Variants in USP37 observed in about 807,000 individuals in gnomAD.
USP37 encodes the protein ubiquitin specific peptidase 37.
In USP37, 27 loss-of-function variants were observed where a neutral mutation model predicts 124.0. The observed-to-expected ratio is 0.22, with a 90% CI of 0.16 to 0.30. The LOEUF (loss-of-function observed/expected upper bound fraction) is 0.30. Among genes scored for constraint, USP37 ranks in the 10% least tolerant of loss-of-function variants. The pLI is 1.00. For missense variants in USP37, 889 were observed against 1,140.4 expected, an observed-to-expected ratio of 0.78 and a Z score of 3.17; for synonymous variants, 365 against 388.0, an observed-to-expected ratio of 0.94 and a Z score of 0.70.
intron 2 of USP37, 129 bp from the exon 3 acceptor site, chr2:218,561,012 A>G (rs1405011116): frequency 6.6e-6 from 1 of 152,240 alleles, no homozygotes; most frequent in Non-Finnish European, 1.5e-5. Context: ...AGATTTAGAT[A>G]TTAGTATAAT....
intron 2 of USP37, among the ~76,000 whole-genome samples, chr2:218,561,461 C>T (rs1160345294): frequency 2.0e-5 from 3 of 152,082 alleles, no homozygotes; most frequent in African/African-American, 7.2e-5. Flanking sequence ...AGTTTGAGAC[C>T]AGCCTGGCCA....
chr2:218,498,185 A>G (rs1318613395), intron 11 of USP37, 28 bp from the exon 12 acceptor site: 3 of 1,561,708 alleles, frequency 1.9e-6, no homozygotes, highest in Non-Finnish European at 2.6e-6. Context: ...AGTGCTTTAG[A>G]AGGCAACAGG....
chr2:218,532,501 C>T (rs2106027395), intron 9 of USP37, among the ~76,000 whole-genome samples: 1 of 150,876 alleles, frequency 6.6e-6, no homozygotes, highest in South Asian at 2.1e-4. Context: ...AAGAAATTGC[C>T]ACAGCTGCCT....
intron 6 of USP37, among the ~76,000 whole-genome samples, chr2:218,548,838 G>A (rs886860633): frequency 1.3e-5 from 2 of 152,090 alleles, no homozygotes; most frequent in Admixed American, 1.3e-4. Context: ...ATTACTACTT[G>A]TGAAAGCATA....
intron 8 of USP37, among the ~76,000 whole-genome samples, chr2:218,540,986 A>G (rs918798211): frequency 2.0e-5 from 3 of 152,208 alleles, no homozygotes; most frequent in Admixed American, 6.5e-5. Context: ...AAGTGCTGCA[A>G]TACCCTTTAA....
chr2:218,525,966 G>A (rs1690934474), intron 10 of USP37, among the ~76,000 whole-genome samples: 1 of 152,094 alleles, frequency 6.6e-6, no homozygotes, highest in Non-Finnish European at 1.5e-5. Context: ...TGTGTTAGTT[G>A]GTTAAGGATA....
In USP37 at chr2:218,535,235, G is replaced by A. The variant is rs539961407; in HGVS notation, c.681-529C>T. Reference sequence around the variant, plus strand: ...AAAAATTAGCCAAGCATGGTGGCGCGTTCCTGTAGTCCCAGCTACTCGGGA... The same window carrying A: ...AAAAATTAGCCAAGCATGGTGGCGCATTCCTGTAGTCCCAGCTACTCGGGA... On this transcript the variant is annotated intron_variant, in intron 8 of 25. Transcript: ENST00000258399. Among the ~76,000 whole-genome samples the A allele has an allele frequency of 5.3e-5, 8 of 151,708 alleles. No individual in the cohort carries two copies. The East Asian group carries it at 1.2e-3, about 22-fold the overall frequency.
At chr2:218,556,044 C>G (rs1574962762) in intron 4 of USP37, among the ~76,000 whole-genome samples, 1 of 152,216 alleles carries the variant, frequency 6.6e-6, no homozygotes, top group African/African-American at 2.4e-5. Flanking sequence ...CTCCCACTAT[C>G]ACCTGAAATA....
At chr2:218,477,678 G>C (rs1278096655) in intron 18 of USP37, among the ~76,000 whole-genome samples, 1 of 152,126 alleles carries the variant, frequency 6.6e-6, no homozygotes, top group Non-Finnish European at 1.5e-5. Flanking sequence ...GAGCCTCTGA[G>C]GGCAATATCA....
rs1227196390 is a variant in USP37, at chr2:218,450,434, A to G, written c.*4496T>C. The G allele has an allele frequency of 1.3e-5, 2 of 152,614 alleles. No homozygotes were observed. The highest frequency in any genetic ancestry group is 4.8e-5 in the African/African-American group (2 of 41,434). The allele number at this position is 152,614 out of a possible 1,614,324, so 9.5% of individuals were successfully genotyped here. On this transcript the variant is annotated 3_prime_UTR_variant, in exon 26 of 26. Transcript: ENST00000258399. ...ATCAAAAGTCACTCTGAACATAAAG[A>G]AAAAAAATCATCTCACAAATAATGT...
At chr2:218,550,691 C>G (rs890477714) in intron 5 of USP37, among the ~76,000 whole-genome samples, 2 of 151,178 alleles carry the variant, frequency 1.3e-5, no homozygotes, top group Non-Finnish European at 2.9e-5. Context: ...ATCTTGCTTC[C>G]CCTCACACTG....
At chr2:218,492,555 A>G (rs1294192589) in intron 14 of USP37, among the ~76,000 whole-genome samples, 1 of 152,230 alleles carries the variant, frequency 6.6e-6, no homozygotes, top group African/African-American at 2.4e-5. Flanking sequence ...AAACATGGTA[A>G]CTAATTTAAA....
chr2:218,512,842 A>G (rs1690075584), intron 10 of USP37, among the ~76,000 whole-genome samples: 1 of 152,146 alleles, frequency 6.6e-6, no homozygotes, highest in Non-Finnish European at 1.5e-5. Context: ...CATAGCACAT[A>G]CATTTTCTTC....
intron 11 of USP37, 90 bp from the exon 12 acceptor site, chr2:218,498,247 A>G (rs2105990841): frequency 7.4e-7 from 1 of 1,359,310 alleles, no homozygotes; most frequent in East Asian, 2.5e-5. Context: ...TATGTTTCAG[A>G]ATCACCTGGA....
intron 11 of USP37, among the ~76,000 whole-genome samples, chr2:218,509,174 T>C (rs543327406): frequency 3.3e-5 from 5 of 152,278 alleles, no homozygotes; most frequent in Non-Finnish European, 5.9e-5. Context: ...TTAATATACA[T>C]AGGTGCCAAG....
chr2:218,541,497 G>A (rs1691972342), intron 8 of USP37, among the ~76,000 whole-genome samples: 1 of 152,134 alleles, frequency 6.6e-6, no homozygotes, highest in South Asian at 2.1e-4. Context: ...ACCACAGTCT[G>A]ACAAGCACAT....
At chr2:218,504,115 C>T (rs1451038012) in intron 11 of USP37, among the ~76,000 whole-genome samples, 1 of 152,040 alleles carries the variant, frequency 6.6e-6, no homozygotes, top group Non-Finnish European at 1.5e-5. Flanking sequence ...GTGCCAAAAA[C>T]AAAGCTATAA....
At chr2:218,560,245 A>C (rs373837726) in intron 3 of USP37, among the ~76,000 whole-genome samples, 1 of 152,212 alleles carries the variant, frequency 6.6e-6, no homozygotes, top group African/African-American at 2.4e-5. Flanking sequence ...AATTAAACAC[A>C]ATTAAACATT....
chr2:218,524,380 G>T (rs1489808076), intron 10 of USP37, among the ~76,000 whole-genome samples: 1 of 152,100 alleles, frequency 6.6e-6, no homozygotes. Context: ...GATTATAGGT[G>T]TGAACCACTG....
Sources: allele counts gnomAD v4.1 joint callset (sites outside exome capture counted in the v4.1 genomes callset), GRCh38; gene constraint gnomAD v4.1.1; transcripts MANE v1.5; gene names NCBI Gene and HGNC (gene_info 2026-07-23, HGNC 2026-07-21).